PIEZO2: variants seen among roughly 807,000 people sequenced by gnomAD.
PIEZO2 encodes the protein piezo-type mechanosensitive ion channel component 2.
Under a neutral mutation model 337.3 loss-of-function variants are expected in PIEZO2, and 172 were observed. The ratio of observed to expected loss-of-function variants is 0.51; its 90% CI spans 0.45 to 0.58. The LOEUF (loss-of-function observed/expected upper bound fraction) is 0.58, where lower values mean the gene tolerates loss of function less well. Among genes scored for constraint, PIEZO2 ranks in the 20% least tolerant of loss-of-function variants. PIEZO2 has a pLI of 0.00. For synonymous variants in PIEZO2, 1,251 were observed against 1,228.5 expected, an observed-to-expected ratio of 1.02 and a Z score of -0.38; for missense variants, 3,028 against 3,391.3, an observed-to-expected ratio of 0.89 and a Z score of 2.66.
intron 7 of PIEZO2, among the ~76,000 whole-genome samples, chr18:10,827,255 C>T (rs957949889): frequency 1.3e-5 from 2 of 151,984 alleles, no homozygotes; most frequent in East Asian, 1.9e-4. Context: ...GAGTGTGCAT[C>T]GCCACTATAA....
rs1200980638 is a variant in PIEZO2 at position 11,104,837 on chromosome 18, C to G, written c.65-38615G>C. The stretch of plus-strand genomic sequence containing the variant: ...TCTCCTCCATCATGCTTGATATGGT[C>G]CAGGAGTGGTTGAACCACTCCAGTC... On this transcript the variant is annotated intron_variant, in intron 1 of 55. Coordinates refer to ENST00000674853, the MANE Select transcript of PIEZO2 (RefSeq NM_001378183.1). The surrounding 1 kb of genome is among the most constrained non-coding windows in gnomAD (Gnocchi z 4.6). Among the ~76,000 whole-genome samples the G allele has an allele frequency of 6.6e-6, 1 of 152,108 alleles. No individual in the cohort carries two copies. Among genetic ancestry groups the G allele is most frequent in the East Asian group, 1.9e-4 (1 of 5,158 alleles).
At chr18:11,058,188 A>G (rs1348558550) in intron 2 of PIEZO2, among the ~76,000 whole-genome samples, 1 of 152,236 alleles carries the variant, frequency 6.6e-6, no homozygotes, top group East Asian at 1.9e-4. Flanking sequence ...TACCCAGGCA[A>G]ACAGGGTCTG....
At chr18:10,718,596 G>T (rs1350050776) in intron 36 of PIEZO2, among the ~76,000 whole-genome samples, 1 of 152,160 alleles carries the variant, frequency 6.6e-6, no homozygotes, top group Non-Finnish European at 1.5e-5. Flanking sequence ...TTTGGTGCAT[G>T]TGAAAATTAT....
chr18:11,073,835 C>A (rs2038429771), intron 1 of PIEZO2, among the ~76,000 whole-genome samples: 1 of 145,604 alleles, frequency 6.9e-6, no homozygotes, highest in Admixed American at 7.2e-5. Flanking sequence ...ACTTAGAAGA[C>A]AAATAACAAC....
Position 11,112,812 on chromosome 18 carries a change from G to A in PIEZO2, c.64+35713C>T, listed in dbSNP as rs79882472. The stretch of plus-strand genomic sequence containing the variant: ...TCTGCAGTTAGGTCACCGACAAGAG[G>A]AAGAGGCGCTATGGAGAAGAAGGAG... On this transcript the variant is annotated intron_variant, in intron 1 of 55. Transcript: ENST00000674853. This position sits in a 1 kb window ranked among gnomAD's most constrained non-coding sequence, Gnocchi z 4.3. Among the ~76,000 whole-genome samples, 488 of 152,264 alleles carry A rather than the reference G, an allele frequency of 3.2e-3. 1 individual carries two copies. Among genetic ancestry groups the A allele is most frequent in the African/African-American group, 0.011 (457 of 41,546 alleles).
intron 3 of PIEZO2, among the ~76,000 whole-genome samples, chr18:10,913,551 A>G (rs2145087926): frequency 6.6e-6 from 1 of 152,198 alleles, no homozygotes; most frequent in African/African-American, 2.4e-5. Flanking sequence ...AATAGGTTCA[A>G]TTACTTTTCT....
chr18:11,053,195 G>A (rs1043617794), intron 2 of PIEZO2, among the ~76,000 whole-genome samples: 1 of 152,124 alleles, frequency 6.6e-6, no homozygotes. Flanking sequence ...AGTAGAGAGG[G>A]CTATCAGCTC....
intron 2 of PIEZO2, among the ~76,000 whole-genome samples, chr18:11,004,995 T>G (rs1186510804): frequency 6.6e-6 from 1 of 152,180 alleles, no homozygotes; most frequent in Non-Finnish European, 1.5e-5. Context: ...TCATAATAAA[T>G]GCAAATCACA....
At chr18:10,867,470 A>G (rs1045553668) in intron 5 of PIEZO2, among the ~76,000 whole-genome samples, 3 of 152,192 alleles carry the variant, frequency 2.0e-5, no homozygotes, top group Non-Finnish European at 4.4e-5. Flanking sequence ...AGGACTTAAT[A>G]TTGCATCCCT....
At position 10,671,597 on chromosome 18, in the gene PIEZO2, T is replaced by C. The variant is rs879004229; in HGVS notation, c.8528A>G (p.Tyr2843Cys). The change falls in exon 56 of 56, where the codon TAT becomes TGT. Residue 2843 changes from tyrosine (Y) to cysteine (C), a missense_variant. By Grantham distance (194) the Tyr-to-Cys change is radical (BLOSUM62 -2). Transcript: ENST00000674853. Reference protein sequence around the residue: ...TGELELEEDLYAKLIFLYRSP... With the variant: ...TGELELEEDLCAKLIFLYRSP... Reference sequence around the variant, plus strand: ...GCGATATAGGAATATTAATTTGGCATAGAGATCTTCTTCTAGCTCCAGTTC... The same window carrying C: ...GCGATATAGGAATATTAATTTGGCACAGAGATCTTCTTCTAGCTCCAGTTC... 3 of 1,613,840 alleles carry C rather than the reference T, an allele frequency of 1.9e-6. No homozygotes were observed. The highest frequency in any genetic ancestry group is 1.7e-6 in the Non-Finnish European group (2 of 1,179,884).
Position 10,988,332 on chromosome 18 carries a change from A to T in PIEZO2, c.161-8672T>A, listed in dbSNP as rs1480801696. On this transcript the variant is annotated intron_variant, in intron 2 of 55. Transcript: ENST00000674853. This position sits in a 1 kb window ranked among gnomAD's most constrained non-coding sequence, Gnocchi z 4.8. ...CTGGAACTATGAGTAATAAATTTCT[A>T]TTCTTTATAAATTATCCAGTCTGTG... 6.6e-6 allele frequency among the ~76,000 whole-genome samples: 1 copy of T among 152,160 alleles called. No homozygotes were observed.
intron 35 of PIEZO2, among the ~76,000 whole-genome samples, chr18:10,731,999 G>A (rs987797063): frequency 3.3e-5 from 5 of 152,154 alleles, no homozygotes; most frequent in Non-Finnish European, 5.9e-5. Flanking sequence ...TATTACCAAT[G>A]ACTTGAGAAA....
chr18:10,980,068 A>G lies in PIEZO2; in HGVS notation c.161-408T>C, dbSNP rs1598776450. 1.3e-5 allele frequency among the ~76,000 whole-genome samples: 2 copies of G among 152,208 alleles called. No individual in the cohort carries two copies. The highest frequency in any genetic ancestry group is 3.8e-4 in the East Asian group (2 of 5,198). ...CTAAAACATTTTATGAAGTCACAAT[A>G]ACTTTAATTTCAAAATCAAATAAGG... On this transcript the variant is annotated intron_variant, in intron 2 of 55. Coordinates refer to ENST00000674853, the MANE Select transcript of PIEZO2 (RefSeq NM_001378183.1). The surrounding 1 kb of genome is among the most constrained non-coding windows in gnomAD (Gnocchi z 4.8).
At chr18:11,060,298 G>C (rs1377920180) in intron 2 of PIEZO2, among the ~76,000 whole-genome samples, 1 of 152,094 alleles carries the variant, frequency 6.6e-6, no homozygotes, top group African/African-American at 2.4e-5. Context: ...GCCCACAAGA[G>C]AAAGCAGGAA....
intron 4 of PIEZO2, among the ~76,000 whole-genome samples, chr18:10,884,579 T>G (rs1157285233): frequency 6.6e-6 from 1 of 152,184 alleles, no homozygotes; most frequent in Non-Finnish European, 1.5e-5. Context: ...CCACATTGCC[T>G]GGCTAGTGAG....
chr18:10,771,173 T>G (rs934994709), intron 20 of PIEZO2, among the ~76,000 whole-genome samples: 2 of 152,246 alleles, frequency 1.3e-5, no homozygotes, highest in African/African-American at 4.8e-5. Context: ...TCGACAAGGC[T>G]TAACTGGTGA....
At chr18:10,808,408 TG>T (rs1411358328) in intron 7 of PIEZO2, among the ~76,000 whole-genome samples, 1 of 152,142 alleles carries the variant, frequency 6.6e-6, no homozygotes, top group East Asian at 1.9e-4. Context: ...CACTTTTATA[TG>T]TGAATTTCCT....
chr18:10,768,900 A>C (rs1361816103), intron 21 of PIEZO2, among the ~76,000 whole-genome samples: 7 of 152,170 alleles, frequency 4.6e-5, no homozygotes, highest in African/African-American at 1.7e-4. Context: ...TTATGACAGC[A>C]GATTCTCTGC....
intron 1 of PIEZO2, among the ~76,000 whole-genome samples, chr18:11,117,544 A>G (rs534982380): frequency 8.5e-5 from 13 of 152,346 alleles, no homozygotes; most frequent in Non-Finnish European, 1.5e-4. Context: ...CATAATTTCA[A>G]TGTAACACAC....
Sources: gnomAD v4.1 joint callset for allele counts (sites outside exome capture counted in the v4.1 genomes callset) on GRCh38, gnomAD v4.1.1 for gene constraint, Gnocchi (gnomAD v3.1) non-coding constraint, MANE v1.5 for transcripts, NCBI Gene and HGNC (gene_info 2026-07-23, HGNC 2026-07-21) for gene names.